CDH12: variants seen among roughly 807,000 people sequenced by gnomAD.
CDH12 encodes the protein cadherin 12, also known as cadherin-12.
In CDH12, 41 loss-of-function variants were observed where a neutral mutation model predicts 74.1. That is an observed-to-expected ratio of 0.55 (90% CI 0.43 to 0.72). The LOEUF is 0.72. CDH12 is among the 30% of genes least tolerant of loss of function. The probability of loss-of-function intolerance (pLI) is 0.00; values close to 1 mark genes in which losing one functional copy is unlikely to be tolerated. For synonymous variants in CDH12, 399 were observed against 355.0 expected (o/e 1.12, Z -1.39); for missense variants, 945 against 977.2 (o/e 0.97, Z 0.44).
chr5:22,154,064 T>C (rs181127321), intron 4 of CDH12, among the ~76,000 whole-genome samples: 10,797 of 148,864 alleles, frequency 0.073, 454 homozygotes, highest in South Asian at 0.15. Flanking sequence ...ATTTTAGAAA[T>C]TTATCAGTGA....
chr5:22,832,965 A>C (rs1736683187), intron 1 of CDH12, among the ~76,000 whole-genome samples: 1 of 152,170 alleles, frequency 6.6e-6, no homozygotes, highest in Admixed American at 6.5e-5. Flanking sequence ...TTTAATCAGC[A>C]AAAATTTCAT....
chr5:22,456,959 A>C (rs1745301697), intron 2 of CDH12, among the ~76,000 whole-genome samples: 1 of 151,918 alleles, frequency 6.6e-6, no homozygotes, highest in African/African-American at 2.4e-5. Context: ...TTTTTTTTTT[A>C]AGTGCAGTAA....
chr5:22,660,816 G>C (rs1391938179), intron 1 of CDH12, among the ~76,000 whole-genome samples: 1 of 152,126 alleles, frequency 6.6e-6, no homozygotes, highest in Non-Finnish European at 1.5e-5. Context: ...TTAATTGTGA[G>C]TTTTTAAAGA....
At chr5:21,996,110 T>G (rs1222045817) in intron 5 of CDH12, among the ~76,000 whole-genome samples, 3 of 81,174 alleles carry the variant, frequency 3.7e-5, no homozygotes, top group African/African-American at 3.3e-4. Flanking sequence ...CACACGTTTT[T>G]TTTTTTTTTT....
intron 1 of CDH12, among the ~76,000 whole-genome samples, chr5:22,675,724 C>T (rs1371205253): frequency 6.6e-6 from 1 of 151,856 alleles, no homozygotes; most frequent in African/African-American, 2.4e-5. Flanking sequence ...GATTGTGGAG[C>T]CTCCCCAGCC....
chr5:22,520,854 C>T (rs546960405), intron 1 of CDH12, among the ~76,000 whole-genome samples: 13 of 152,002 alleles, frequency 8.6e-5, no homozygotes, highest in Non-Finnish European at 1.8e-4. Context: ...AAGGATCATA[C>T]TTTGTTTAGT....
At chr5:21,975,026 C>G (rs1444120621) in intron 6 of CDH12, 65 bp downstream of exon 6, 1 of 944,214 alleles carries the variant, frequency 1.1e-6, no homozygotes, top group South Asian at 1.6e-5. Flanking sequence ...TTTACATCAA[C>G]CTGCAAAAAG....
intron 3 of CDH12, among the ~76,000 whole-genome samples, chr5:22,261,788 C>CAAAA (rs34114097): frequency 1.7e-4 from 24 of 144,514 alleles, no homozygotes; most frequent in African/African-American, 5.9e-4. Context: ...GAAAGAAAGC[C>CAAAA]AAAAAAAAAA....
At chr5:21,985,798 T>C (rs1226711028) in intron 5 of CDH12, among the ~76,000 whole-genome samples, 1 of 152,170 alleles carries the variant, frequency 6.6e-6, no homozygotes, top group African/African-American at 2.4e-5. Flanking sequence ...GTGGCCATTA[T>C]ATTCACTACA....
At chr5:21,977,933 A>G (rs937091568) in intron 5 of CDH12, among the ~76,000 whole-genome samples, 1 of 148,946 alleles carries the variant, frequency 6.7e-6, no homozygotes, top group African/African-American at 2.6e-5. Flanking sequence ...GACAGGTAAT[A>G]TTTAAAATTA....
At chr5:21,783,941 A>G (rs1746060723) in intron 10 of CDH12, among the ~76,000 whole-genome samples, 1 of 152,182 alleles carries the variant, frequency 6.6e-6, no homozygotes, top group African/African-American at 2.4e-5. Context: ...AAATAACATC[A>G]TGGAAACAAA....
intron 1 of CDH12, among the ~76,000 whole-genome samples, chr5:22,759,530 TCTC>T (rs2127052525): frequency 6.6e-6 from 1 of 152,256 alleles, no homozygotes; most frequent in South Asian, 2.1e-4. Context: ...CTGAATACCA[TCTC>T]CTCTCTAGCC....
intron 1 of CDH12, among the ~76,000 whole-genome samples, chr5:22,640,896 C>G (rs1224086927): frequency 6.6e-6 from 1 of 152,126 alleles, no homozygotes; most frequent in Non-Finnish European, 1.5e-5. Flanking sequence ...AAAATACAAG[C>G]CAATCATTTT....
chr5:22,530,079 T>C (rs1399086183), intron 1 of CDH12, among the ~76,000 whole-genome samples: 2 of 152,196 alleles, frequency 1.3e-5, no homozygotes, highest in African/African-American at 4.8e-5. Context: ...CTATTTCAAA[T>C]TGTTCGATAG....
rs112897689 is a variant in CDH12 at position 22,357,876 on chromosome 5, G to T, written c.-333+47381C>A. ...AAAAGCAGACTTTGTCCTGATAAAA[G>T]TTCTTATTTAAAAATGCATGATTCC... On this transcript the variant is annotated intron_variant, in intron 3 of 14. Coordinates refer to ENST00000382254, the MANE Select transcript of CDH12 (RefSeq NM_004061.5). 7.2e-5 allele frequency among the ~76,000 whole-genome samples: 11 copies of T among 152,146 alleles called. No individual in the cohort carries two copies. The South Asian group carries it at 2.1e-3, about 29-fold the overall frequency.
intron 3 of CDH12, among the ~76,000 whole-genome samples, chr5:22,283,701 T>C (rs559412363): frequency 8.0e-4 from 122 of 152,206 alleles, no homozygotes; most frequent in African/African-American, 2.7e-3. Flanking sequence ...TTGTATAGTA[T>C]GGTGATGATA....
intron 1 of CDH12, among the ~76,000 whole-genome samples, chr5:22,758,748 G>T: frequency 6.6e-6 from 1 of 152,098 alleles, no homozygotes; most frequent in East Asian, 1.9e-4. Context: ...AGTGACAAAA[G>T]TATGTTTGAT....
At chr5:21,811,491 AT>A (rs1251444536) in intron 9 of CDH12, among the ~76,000 whole-genome samples, 1 of 151,846 alleles carries the variant, frequency 6.6e-6, no homozygotes, top group Non-Finnish European at 1.5e-5. Flanking sequence ...TATATATTTT[AT>A]TCCCATTTAT....
At chr5:22,060,760 G>C (rs1741132098) in intron 5 of CDH12, among the ~76,000 whole-genome samples, 1 of 152,004 alleles carries the variant, frequency 6.6e-6, no homozygotes, top group Admixed American at 6.6e-5. Context: ...AAACAACATT[G>C]AAAAATTAAG....
Sources: allele counts gnomAD v4.1 joint callset (sites outside exome capture counted in the v4.1 genomes callset), GRCh38; gene constraint gnomAD v4.1.1; transcripts MANE v1.5; gene names NCBI Gene and HGNC (gene_info 2026-07-23, HGNC 2026-07-21).